SVIL: variants seen among roughly 807,000 people sequenced by gnomAD.
The protein encoded by SVIL is supervillin, also known as archvillin.
A neutral mutation model predicts 240.4 loss-of-function variants in SVIL; 101 were observed. The observed-to-expected ratio is 0.42, with a 90% CI of 0.36 to 0.50. The LOEUF is 0.50. Ranked by LOEUF, SVIL falls within the 20% of genes least tolerant of loss-of-function variation. The probability of loss-of-function intolerance (pLI) is 0.01; values close to 1 mark genes in which losing one functional copy is unlikely to be tolerated. For missense variants in SVIL, 2,512 were observed against 2,818.7 expected, an observed-to-expected ratio of 0.89 and a Z score of 2.46; for synonymous variants, 999 against 1,100.0, an observed-to-expected ratio of 0.91 and a Z score of 1.82.
At chr10:29,649,376 A>T (rs745567128) in intron 3 of SVIL, among the ~76,000 whole-genome samples, 57 of 152,196 alleles carry the variant, frequency 3.7e-4, no homozygotes, top group Non-Finnish European at 7.5e-4. Flanking sequence ...CCCCCACGGC[A>T]TGCCTCTTTC....
chr10:29,703,417 C>T (rs906227640), intron 1 of SVIL, among the ~76,000 whole-genome samples: 8 of 152,226 alleles, frequency 5.3e-5, no homozygotes, highest in Non-Finnish European at 7.3e-5. Context: ...TCTTGACAAT[C>T]GCATCTTCCA....
chr10:29,675,763 T>C (rs1191959610), intron 2 of SVIL, among the ~76,000 whole-genome samples: 1 of 152,226 alleles, frequency 6.6e-6, no homozygotes, highest in Non-Finnish European at 1.5e-5. Context: ...ACACAAAGAC[T>C]TGTTCATGAT....
chr10:29,467,553 T>C (rs563558782), intron 33 of SVIL, among the ~76,000 whole-genome samples, 189 bp downstream of exon 33: 3 of 152,094 alleles, frequency 2.0e-5, no homozygotes, highest in South Asian at 4.2e-4. Context: ...AGATAAAACA[T>C]GAATGGGGCA....
chr10:29,685,636 A>T (rs189978935), intron 2 of SVIL, among the ~76,000 whole-genome samples: 1 of 152,170 alleles, frequency 6.6e-6, no homozygotes, highest in Non-Finnish European at 1.5e-5. Flanking sequence ...ATGGTATCTC[A>T]CTGTGGTTTT....
At chr10:29,464,315 T>C (rs1458398393) in intron 34 of SVIL, among the ~76,000 whole-genome samples, 2 of 151,960 alleles carry the variant, frequency 1.3e-5, no homozygotes, top group African/African-American at 4.8e-5. Context: ...GCTGCATGCA[T>C]GTAGTCTCCA....
chr10:29,506,376 G>A (rs1185550174), intron 17 of SVIL, among the ~76,000 whole-genome samples: 1 of 152,120 alleles, frequency 6.6e-6, no homozygotes, highest in African/African-American at 2.4e-5. Context: ...TCGGGGGAAG[G>A]AACCAGGAGA....
At chr10:29,595,720 C>A (rs1956557325) in intron 1 of SVIL, among the ~76,000 whole-genome samples, 1 of 152,148 alleles carries the variant, frequency 6.6e-6, no homozygotes. Context: ...AGGCCCATAT[C>A]GTCCAAGCAG....
intron 2 of SVIL, among the ~76,000 whole-genome samples, chr10:29,663,737 GTA>G (rs1959184166): frequency 6.6e-6 from 1 of 152,218 alleles, no homozygotes; most frequent in Admixed American, 6.5e-5. Context: ...CTCCTGCACT[GTA>G]TGTTTTCAGT....
In SVIL at chr10:29,491,006, C is replaced by G. The variant is rs372243953; in HGVS notation, c.4033G>C (p.Val1345Leu). The G allele has an allele frequency of 6.2e-7, 1 of 1,613,734 alleles. No homozygotes were observed. The highest frequency in any genetic ancestry group is 8.5e-7 in the Non-Finnish European group (1 of 1,179,748). The change falls in exon 22 of 38, where the codon GTG becomes CTG. Residue 1345 changes from valine to leucine, a missense_variant. By Grantham distance (32) the Val-to-Leu change is conservative (BLOSUM62 1). Transcript: ENST00000355867. Reference protein sequence around the residue: ...DPYAPKLTSSVAEHKRAVRPK... With the variant: ...DPYAPKLTSSLAEHKRAVRPK... ...CTAACTGCCCGCTTGTGCTCGGCCA[C>G]GGAAGACGTCAATCTGCGGATGGAA...
intron 1 of SVIL, among the ~76,000 whole-genome samples, chr10:29,708,162 G>A (rs1320811973): frequency 6.7e-6 from 1 of 150,332 alleles, no homozygotes; most frequent in Non-Finnish European, 1.5e-5. Context: ...GGAGGCTGAG[G>A]CAGGAGAATG....
At chr10:29,469,680 G>C (rs531751961) in intron 32 of SVIL, among the ~76,000 whole-genome samples, 4 of 152,312 alleles carry the variant, frequency 2.6e-5, no homozygotes, top group African/African-American at 9.6e-5. Flanking sequence ...CCCACTCAGT[G>C]CTATCTCACA....
At chr10:29,560,974 G>A (rs1360596679) in intron 3 of SVIL, among the ~76,000 whole-genome samples, 1 of 151,824 alleles carries the variant, frequency 6.6e-6, no homozygotes, top group Non-Finnish European at 1.5e-5. Flanking sequence ...GAGTAGCTGG[G>A]ACTTGCCCAG....
In SVIL at chr10:29,533,258, G is replaced by T; in HGVS notation, c.1109C>A (p.Pro370His). 6.2e-7 allele frequency: 1 copy of T among 1,614,082 alleles called. No homozygotes were observed. The highest frequency in any genetic ancestry group is 8.5e-7 in the Non-Finnish European group (1 of 1,180,028). ...TRQPIRGYVQPADTGHTAKLV... is the reference protein window; with the variant it reads ...TRQPIRGYVQHADTGHTAKLV... Reference sequence around the variant, plus strand: ...CTTGGCGGTGTGACCGGTATCTGCGGGTTGGACATAGCCACGGATTGGCTG... The same window carrying T: ...CTTGGCGGTGTGACCGGTATCTGCGTGTTGGACATAGCCACGGATTGGCTG... Residue 370 changes from proline (P) to histidine (H), a missense_variant, in exon 8 of 38, where the codon CCC becomes CAC. Physicochemically the swap from Pro to His is moderately conservative, Grantham distance 77. This residue lies in a region of SVIL where 1,443 missense variants were observed against 1,486.6 expected (regional missense o/e 0.97). Coordinates refer to ENST00000355867, the MANE Select transcript of SVIL (RefSeq NM_021738.3).
rs749811788 is a variant in SVIL at position 29,533,229 on chromosome 10, C to T, written c.1138G>A (p.Val380Met). The change falls in exon 8 of 38, where the codon GTG (valine) becomes ATG (methionine). Residue 380 changes from valine (V) to methionine (M), a missense_variant. By Grantham distance (21) the Val-to-Met change is conservative (BLOSUM62 1). Transcript: ENST00000355867. ...PADTGHTAKL[V>M]TPETPENASE... ...GCATTTTCTGGGGTTTCTGGCGTCA[C>T]TAGCTTGGCGGTGTGACCGGTATCT... 1 of 1,614,144 alleles carries T rather than the reference C, an allele frequency of 6.2e-7. No homozygotes were observed. Among genetic ancestry groups the T allele is most frequent in the Non-Finnish European group, 8.5e-7 (1 of 1,180,034 alleles).
intron 21 of SVIL, among the ~76,000 whole-genome samples, chr10:29,491,406 C>G (rs747088466): frequency 2.2e-4 from 34 of 152,162 alleles, no homozygotes; most frequent in Non-Finnish European, 4.0e-4. Flanking sequence ...GTCTACTTGT[C>G]TGTTTCCGGC....
chr10:29,501,905 T>C (rs1229825035), intron 17 of SVIL, among the ~76,000 whole-genome samples: 1 of 152,182 alleles, frequency 6.6e-6, no homozygotes, highest in Non-Finnish European at 1.5e-5. Context: ...TAGTCAACTC[T>C]GTGGTGAATT....
intron 6 of SVIL, among the ~76,000 whole-genome samples, chr10:29,541,576 C>G (rs1424762330): frequency 6.6e-6 from 1 of 152,126 alleles, no homozygotes; most frequent in Non-Finnish European, 1.5e-5. Context: ...TCCCTTTGAG[C>G]TAATCTCAGT....
chr10:29,462,249 CCTT>C (rs1383526791), intron 36 of SVIL, 25 bp downstream of exon 36: 54 of 1,610,000 alleles, frequency 3.4e-5, no homozygotes, highest in Non-Finnish European at 4.5e-5. Flanking sequence ...GCAGGAGCCA[CCTT>C]CATAGGGCAG....
In SVIL at chr10:29,470,443, C is replaced by T. The variant is rs765806638; in HGVS notation, c.5676G>A (p.Val1892=). 1.2e-6 allele frequency: 2 copies of T among 1,614,072 alleles called. No homozygotes were observed. Among genetic ancestry groups the T allele is most frequent in the East Asian group, 4.5e-5 (2 of 44,896 alleles). The change falls in exon 32 of 38, where the codon GTG becomes GTA. Residue 1892 remains valine, a synonymous_variant. Transcript: ENST00000355867. The stretch of plus-strand genomic sequence containing the variant: ...AGGCCACTTCCAGCAAATTCCCTTC[C>T]ACGGGCACCTCTCCACGCACGCAGT... ...RLYCVRGEVP[V]EGNLLEVACH...
Sources: gnomAD v4.1 joint callset for allele counts (sites outside exome capture counted in the v4.1 genomes callset) on GRCh38, gnomAD v4.1.1 for gene constraint, gnomAD v4.1.1 regional missense constraint, MANE v1.5 for transcripts, NCBI Gene and HGNC (gene_info 2026-07-23, HGNC 2026-07-21) for gene names.